The following ZFYVE16 variants were observed in gnomAD, a reference collection of about 807,000 sequenced individuals.
ZFYVE16 encodes the protein zinc finger FYVE domain-containing protein 16.
Under a neutral mutation model 138.1 loss-of-function variants are expected in ZFYVE16, and 89 were observed. That is an observed-to-expected ratio of 0.64 (90% CI 0.54 to 0.77). The LOEUF is 0.77. Among genes scored for constraint, ZFYVE16 ranks in the 30% least tolerant of loss-of-function variants. ZFYVE16 has a pLI of 0.00. For missense variants in ZFYVE16, 1,793 were observed against 1,786.7 expected (o/e 1.00, Z -0.06); for synonymous variants, 596 against 618.3 (o/e 0.96, Z 0.53).
Position 80,438,637 on chromosome 5 carries a change from A to G in ZFYVE16, c.1952A>G (p.Gln651Arg). The part of the protein sequence containing the change: ...SQSVGGARPK[Q>R]LFSLPSRTRS... Reference sequence around the variant, plus strand: ...TCTGTTGGAGGGGCCAGACCTAAGCAATTGTTTAGCCTTCCATCAAGAACA... The same window carrying G: ...TCTGTTGGAGGGGCCAGACCTAAGCGATTGTTTAGCCTTCCATCAAGAACA... The change falls in exon 4 of 19, where the codon CAA (glutamine) becomes CGA (arginine). Residue 651 changes from glutamine (Q) to arginine (R), a missense_variant. Coordinates refer to ENST00000505560, the MANE Select transcript of ZFYVE16 (RefSeq NM_001284236.3). 6.2e-7 allele frequency: 1 copy of G among 1,614,094 alleles called. No homozygotes were observed.
At chr5:80,468,605 T>C (rs923128323) in intron 15 of ZFYVE16, among the ~76,000 whole-genome samples, 2 of 152,244 alleles carry the variant, frequency 1.3e-5, no homozygotes, top group Non-Finnish European at 2.9e-5. Context: ...AATGTTGTTT[T>C]GTGGTACATG....
chr5:80,426,176 T>G (rs546454011), intron 1 of ZFYVE16, among the ~76,000 whole-genome samples: 31 of 148,438 alleles, frequency 2.1e-4, no homozygotes, highest in African/African-American at 4.5e-4. Flanking sequence ...CGGATTGAGA[T>G]ATATATATAT....
Position 80,448,012 on chromosome 5 carries a change from T to C in ZFYVE16, c.2725-14T>C. The C allele has an allele frequency of 6.5e-7, 1 of 1,543,450 alleles. No homozygotes were observed. The highest frequency in any genetic ancestry group is 8.7e-7 in the Non-Finnish European group (1 of 1,146,710). On this transcript the variant is annotated splice_polypyrimidine_tract_variant and intron_variant, in intron 7 of 18. Coordinates refer to ENST00000505560, the MANE Select transcript of ZFYVE16 (RefSeq NM_001284236.3). The stretch of plus-strand genomic sequence containing the variant: ...TGAACTGATTTGTTATTTTTTTTAT[T>C]ACATATTTTACAGACAGTAAACACA...
At chr5:80,443,071 G>T (rs547696289) in intron 5 of ZFYVE16, 52 bp from the exon 6 acceptor site, 2 of 1,455,804 alleles carry the variant, frequency 1.4e-6, no homozygotes, top group African/African-American at 1.5e-5. Flanking sequence ...TTACTTTGAA[G>T]TAAATTCCAA....
At chr5:80,450,304 G>C in intron 9 of ZFYVE16, 127 bp from the exon 10 acceptor site, 2 of 860,342 alleles carry the variant, frequency 2.3e-6, no homozygotes, top group Non-Finnish European at 3.6e-6. Flanking sequence ...TCAATTTAAG[G>C]TTTTCATAAG....
chr5:80,463,654 C>T (rs775161156), intron 15 of ZFYVE16, among the ~76,000 whole-genome samples: 6 of 152,142 alleles, frequency 3.9e-5, no homozygotes, highest in Non-Finnish European at 7.4e-5. Context: ...TTTTCTTTAT[C>T]GCGTTATCAG....
chr5:80,450,665 A>T lies in ZFYVE16; in HGVS notation c.3382+79A>T, dbSNP rs992634834. ...AGGCATTTATGGTTTTGGCTGTGCT[A>T]GCTATACTAAAGATTTATTTCTGTG... On this transcript the variant is annotated intron_variant, in intron 10 of 18. Coordinates refer to ENST00000505560, the MANE Select transcript of ZFYVE16 (RefSeq NM_001284236.3). 6.6e-6 allele frequency: 9 copies of T among 1,373,856 alleles called. No homozygotes were observed. In the African/African-American group the frequency reaches 1.0e-4, roughly 16 times the overall value. The allele number at this position is 1,373,856 out of a possible 1,614,324, so 85.1% of individuals were successfully genotyped here. A position where few individuals can be genotyped will look rare whatever the true frequency, so the allele number is the denominator to read the frequency against.
At position 80,465,054 on chromosome 5, in the gene ZFYVE16, T is replaced by C. The variant is rs932210256; in HGVS notation, c.4024+5560T>C. ...TTGATTTATGCAGATGTTTTTTAAA[T>C]GAGAAGAGGAAAGAGTTACAACCCA... On this transcript the variant is annotated intron_variant, in intron 15 of 18. Transcript: ENST00000505560. Among the ~76,000 whole-genome samples, 8 of 152,214 alleles carry C rather than the reference T, an allele frequency of 5.3e-5. No individual in the cohort carries two copies. In the South Asian group the frequency reaches 8.3e-4, roughly 16 times the overall value.
At position 80,445,352 on chromosome 5, in the gene ZFYVE16, G is replaced by A; in HGVS notation, c.2671G>A (p.Gly891Arg). The part of the protein sequence containing the change: ...EVADTTKLSS[G>R]SKRCSEDFSP... Reference sequence around the variant, plus strand: ...TGCAGATACAACAAAATTATCATCTGGAAGTAAAAGATGTTCTGAAGACTT... The same window carrying A: ...TGCAGATACAACAAAATTATCATCTAGAAGTAAAAGATGTTCTGAAGACTT... Residue 891 changes from glycine to arginine, a missense_variant, in exon 7 of 19, where the codon GGA becomes AGA. By Grantham distance (125) the Gly-to-Arg change is moderately radical. This residue lies in a region of ZFYVE16 where 1,295 missense variants were observed against 1,204.3 expected (regional missense o/e 1.08). Transcript: ENST00000505560. The A allele has an allele frequency of 8.7e-6, 14 of 1,613,864 alleles. No individual in the cohort carries two copies. The highest frequency in any genetic ancestry group is 1.2e-5 in the Non-Finnish European group (14 of 1,179,910).
rs926043522 is a variant in ZFYVE16, at chr5:80,438,556, C to G, written c.1871C>G (p.Pro624Arg). Residue 624 changes from proline (P) to arginine (R), a missense_variant, in exon 4 of 19, where the codon CCT becomes CGT. By Grantham distance (103) the Pro-to-Arg change is moderately radical (BLOSUM62 -2). Around this residue, in one of 2 missense-constraint regions of ZFYVE16, gnomAD observed 1,295 missense variants for 1,204.3 expected, o/e 1.08. Transcript: ENST00000505560. ...KSTIPVQQGL[P>R]TSKSEITNQL... ...ACTATTCCAGTTCAACAAGGGTTAC[C>G]TACCAGTAAGTCTGAGATTACAAAT... is the stretch of plus-strand genomic sequence containing the variant. The G allele has an allele frequency of 6.2e-7, 1 of 1,614,062 alleles. No individual in the cohort carries two copies. The highest frequency in any genetic ancestry group is 8.5e-7 in the Non-Finnish European group (1 of 1,179,972).
At chr5:80,428,396 C>T (rs954034143) in intron 2 of ZFYVE16, among the ~76,000 whole-genome samples, 13 of 152,210 alleles carry the variant, frequency 8.5e-5, no homozygotes, top group African/African-American at 3.1e-4. Context: ...GCTGAGGGTC[C>T]TGACTGTTAG....
intron 1 of ZFYVE16, among the ~76,000 whole-genome samples, chr5:80,417,676 T>C (rs1746464612): frequency 6.6e-6 from 1 of 152,248 alleles, no homozygotes; most frequent in Non-Finnish European, 1.5e-5. Context: ...CACTGAATAA[T>C]ATTCCATTGG....
At chr5:80,476,280 A>G (rs1433287679) in intron 18 of ZFYVE16, among the ~76,000 whole-genome samples, 1 of 152,152 alleles carries the variant, frequency 6.6e-6, no homozygotes, top group African/African-American at 2.4e-5. Flanking sequence ...AAACTTTTGA[A>G]CTTGGACAAT....
Position 80,455,713 on chromosome 5 carries a change from G to A in ZFYVE16, c.3629G>A (p.Ser1210Asn). Residue 1210 changes from serine to asparagine, a missense_variant, in exon 12 of 19, where the codon AGC becomes AAC. This residue lies in a region of ZFYVE16 where 498 missense variants were observed against 582.4 expected (regional missense o/e 0.86). Coordinates refer to ENST00000505560, the MANE Select transcript of ZFYVE16 (RefSeq NM_001284236.3). ...EYKAYPAPLT[S>N]IRGRKPLFGE... ...ATAGCATATCCTGCTCCTCTAACAA[G>A]CATCAGAGGCCGAAAACCTCTTTTT... 1 of 1,598,396 alleles carries A rather than the reference G, an allele frequency of 6.3e-7. No homozygotes were observed. Among genetic ancestry groups the A allele is most frequent in the Non-Finnish European group, 8.5e-7 (1 of 1,175,952 alleles).
chr5:80,447,521 A>G (rs1751510651), intron 7 of ZFYVE16, among the ~76,000 whole-genome samples: 1 of 152,202 alleles, frequency 6.6e-6, no homozygotes, highest in Non-Finnish European at 1.5e-5. Flanking sequence ...CAGTCTAAAA[A>G]GAAAAAGGCT....
At chr5:80,462,999 G>T (rs1288220553) in intron 15 of ZFYVE16, among the ~76,000 whole-genome samples, 1 of 152,204 alleles carries the variant, frequency 6.6e-6, no homozygotes, top group Non-Finnish European at 1.5e-5. Flanking sequence ...CTGTAGCTTT[G>T]CAGGGTACAG....
chr5:80,446,036 C>T (rs1751311393), intron 7 of ZFYVE16, among the ~76,000 whole-genome samples: 3 of 151,588 alleles, frequency 2.0e-5, no homozygotes, highest in Non-Finnish European at 4.4e-5. Context: ...GCTGGGATTA[C>T]AGGCATCCAC....
At chr5:80,420,238 C>G (rs1746925315) in intron 1 of ZFYVE16, among the ~76,000 whole-genome samples, 1 of 152,064 alleles carries the variant, frequency 6.6e-6, no homozygotes, top group African/African-American at 2.4e-5. Flanking sequence ...TCCTGAGTAA[C>G]TGGGATTATA....
At chr5:80,439,390 C>T (rs890898410) in intron 4 of ZFYVE16, among the ~76,000 whole-genome samples, 4 of 152,164 alleles carry the variant, frequency 2.6e-5, no homozygotes, top group Admixed American at 2.0e-4. Context: ...GTGTTGTGAT[C>T]AATGCCCAGG....
Sources: allele counts gnomAD v4.1 joint callset (sites outside exome capture counted in the v4.1 genomes callset), GRCh38; gene constraint gnomAD v4.1.1; regional missense constraint gnomAD v4.1.1; transcripts MANE v1.5; gene names NCBI Gene and HGNC (gene_info 2026-07-23, HGNC 2026-07-21).